TBC1D22B: variants seen among roughly 807,000 people sequenced by gnomAD.
TBC1D22B encodes chromosome 6 open reading frame 197.
TBC1D22B carries 32 observed loss-of-function variants against 69.1 expected under a neutral mutation model. The observed-to-expected ratio is 0.46, with a 90% CI of 0.35 to 0.62. The LOEUF is 0.62. TBC1D22B is among the 20% of genes least tolerant of loss of function. The pLI, the probability that TBC1D22B is intolerant of heterozygous loss-of-function variation, is 0.00. For synonymous variants in TBC1D22B, 206 were observed against 229.8 expected, an observed-to-expected ratio of 0.90 and a Z score of 0.94; for missense variants, 462 against 630.9, an observed-to-expected ratio of 0.73 and a Z score of 2.87.
intron 12 of TBC1D22B, among the ~76,000 whole-genome samples, chr6:37,327,394 C>T (rs9349036): frequency 0.74 from 78,083 of 105,366 alleles, 29,705 homozygotes; most frequent in Middle Eastern, 0.88. Context: ...AGGAGAATGG[C>T]GTGAACCCGG....
intron 1 of TBC1D22B, among the ~76,000 whole-genome samples, chr6:37,267,513 A>ATATATATATACACTATATATATAT (rs1766342516): frequency 7.3e-6 from 1 of 136,326 alleles, no homozygotes; most frequent in Admixed American, 7.6e-5. Context: ...TATATATATA[A>ATATATATATACACTATATATATAT]TATATATATA....
intron 12 of TBC1D22B, chr6:37,324,474 A>C (rs1181537806): frequency 2.5e-6 from 1 of 400,582 alleles, no homozygotes; most frequent in Non-Finnish European, 5.1e-6. Flanking sequence ...TATGCACCAA[A>C]ATGCCTTACT....
At chr6:37,288,811 G>A (rs954567118) in intron 7 of TBC1D22B, among the ~76,000 whole-genome samples, 1 of 151,548 alleles carries the variant, frequency 6.6e-6, no homozygotes, top group Non-Finnish European at 1.5e-5. Context: ...TACAATATGG[G>A]AACTCAAACT....
intron 5 of TBC1D22B, among the ~76,000 whole-genome samples, chr6:37,283,765 C>G (rs1304122642): frequency 1.3e-5 from 2 of 152,142 alleles, no homozygotes; most frequent in Admixed American, 6.5e-5. Context: ...GAAAGTTGGC[C>G]TGGAGCTTTG....
chr6:37,308,834 G>A (rs780500433), intron 8 of TBC1D22B, among the ~76,000 whole-genome samples: 3 of 152,074 alleles, frequency 2.0e-5, no homozygotes, highest in African/African-American at 4.8e-5. Flanking sequence ...TGCTGGCTGG[G>A]CATGGAGGCT....
chr6:37,313,211 C>G (rs1042220853), intron 9 of TBC1D22B, among the ~76,000 whole-genome samples, 187 bp downstream of exon 9: 1 of 152,170 alleles, frequency 6.6e-6, no homozygotes, highest in Non-Finnish European at 1.5e-5. Context: ...AATGGTGGGT[C>G]GGGCACGGTG....
chr6:37,307,294 A>G (rs1422594298), intron 8 of TBC1D22B, among the ~76,000 whole-genome samples: 1 of 151,528 alleles, frequency 6.6e-6, no homozygotes, highest in African/African-American at 2.4e-5. Context: ...ATGGTCAAAA[A>G]TATTTTTTTA....
At chr6:37,291,124 T>A in intron 7 of TBC1D22B, 119 bp from the exon 8 acceptor site, 1 of 736,964 alleles carries the variant, frequency 1.4e-6, no homozygotes. Context: ...CACAGTATCT[T>A]AAAATTTTCC....
At chr6:37,295,056 G>C (rs1210054868) in intron 8 of TBC1D22B, among the ~76,000 whole-genome samples, 1 of 152,142 alleles carries the variant, frequency 6.6e-6, no homozygotes, top group African/African-American at 2.4e-5. Context: ...AATTAGTAAA[G>C]CAGTGGCAGG....
chr6:37,316,994 C>A, intron 11 of TBC1D22B, 117 bp from the exon 12 acceptor site: 1 of 1,453,238 alleles, frequency 6.9e-7, no homozygotes, highest in Non-Finnish European at 9.4e-7. Flanking sequence ...CTCTTCAGAA[C>A]TCCATCTCCC....
chr6:37,282,228 C>T lies in TBC1D22B; in HGVS notation c.465C>T (p.Leu155=), dbSNP rs1766855603. ...LRNPLHKQQS[L]PLRPIIPLVA... ...ACCCACTCCACAAACAGCAATCACTCCCTCTCCGGCCCATCATCCCCCTCG... is the reference window on the plus strand; with the variant it reads ...ACCCACTCCACAAACAGCAATCACTTCCTCTCCGGCCCATCATCCCCCTCG... The change falls in exon 4 of 13, where the codon CTC becomes CTT. Residue 155 remains leucine (L), a synonymous_variant. Transcript: ENST00000373491. 6 of 1,614,210 alleles carry T rather than the reference C, an allele frequency of 3.7e-6. No homozygotes were observed. The highest frequency in any genetic ancestry group is 5.1e-6 in the Non-Finnish European group (6 of 1,180,046).
intron 2 of TBC1D22B, among the ~76,000 whole-genome samples, chr6:37,273,296 C>T (rs751168310): frequency 2.0e-5 from 3 of 151,826 alleles, no homozygotes; most frequent in Non-Finnish European, 4.4e-5. Context: ...TAACCACAAC[C>T]ATTCTGGTCA....
chr6:37,307,861 G>A (rs995908877), intron 8 of TBC1D22B, among the ~76,000 whole-genome samples: 39 of 152,324 alleles, frequency 2.6e-4, no homozygotes, highest in African/African-American at 8.7e-4. Context: ...ATCACAGATG[G>A]TTCCTGGGAA....
intron 7 of TBC1D22B, among the ~76,000 whole-genome samples, chr6:37,287,461 T>C (rs113202391): frequency 5.9e-5 from 9 of 152,358 alleles, no homozygotes; most frequent in African/African-American, 2.2e-4. Flanking sequence ...TTAAGTACAG[T>C]CACGTTATTG....
At chr6:37,285,261 G>A (rs542110153) in intron 6 of TBC1D22B, among the ~76,000 whole-genome samples, 1 of 144,970 alleles carries the variant, frequency 6.9e-6, no homozygotes, top group South Asian at 2.3e-4. Context: ...GGTAACAGAA[G>A]TAAGAACTTT....
At chr6:37,302,849 C>T (rs1175110241) in intron 8 of TBC1D22B, among the ~76,000 whole-genome samples, 1 of 152,160 alleles carries the variant, frequency 6.6e-6, no homozygotes, top group Non-Finnish European at 1.5e-5. Context: ...GATAGAAAAG[C>T]TTATTTCTCT....
In TBC1D22B at chr6:37,327,321, G is replaced by A. The variant is rs867218803; in HGVS notation, c.1390-3723G>A. Among the ~76,000 whole-genome samples, 38 of 135,278 alleles carry A rather than the reference G, an allele frequency of 2.8e-4. 7 individuals carry two copies. The highest frequency in any genetic ancestry group is 1.1e-3 in the Admixed American group (14 of 13,332). The allele number at this position is 135,278 out of a possible 152,430, so 88.7% of individuals were successfully genotyped here. A position where few individuals can be genotyped will look rare whatever the true frequency, so the allele number is the denominator to read the frequency against. On this transcript the variant is annotated intron_variant, in intron 12 of 12. Coordinates refer to ENST00000373491, the MANE Select transcript of TBC1D22B (RefSeq NM_017772.4). ...GTGAAACCCCGTCTCTACTAAAAAT[G>A]CAAAAAATTAGCCGGGCGTGGTGGT...
At chr6:37,266,084 C>T (rs953413604) in intron 1 of TBC1D22B, among the ~76,000 whole-genome samples, 4 of 152,220 alleles carry the variant, frequency 2.6e-5, no homozygotes, top group African/African-American at 7.2e-5. Flanking sequence ...AGCATTACCA[C>T]CCACCAGGAA....
intron 7 of TBC1D22B, among the ~76,000 whole-genome samples, chr6:37,288,717 G>C (rs138003113): frequency 0.012 from 1,770 of 150,658 alleles, 30 homozygotes; most frequent in Middle Eastern, 0.041. Flanking sequence ...ACTCCAGCCT[G>C]GGTGACAGAG....
Sources: gnomAD v4.1 joint callset for allele counts (sites outside exome capture counted in the v4.1 genomes callset) on GRCh38, gnomAD v4.1.1 for gene constraint, MANE v1.5 for transcripts, NCBI Gene and HGNC (gene_info 2026-07-23, HGNC 2026-07-21) for gene names.